DDO: variants seen among roughly 807,000 people sequenced by gnomAD.
DDO encodes the protein D-aspartate oxidase, DDO.
A neutral mutation model predicts 16.8 loss-of-function variants in DDO; 16 were observed. The observed-to-expected ratio is 0.95, with a 90% CI of 0.65 to 1.45. DDO has a LOEUF of 1.45. Among genes scored for constraint, DDO ranks in the 40% most tolerant of loss-of-function variants. The pLI is 0.00. For synonymous variants in DDO, 180 were observed against 167.2 expected (o/e 1.08, Z -0.59); for missense variants, 429 against 420.3 (o/e 1.02, Z -0.18).
At chr6:110,398,524 G>A (rs118081597) in intron 4 of DDO, among the ~76,000 whole-genome samples, 133 of 152,238 alleles carry the variant, frequency 8.7e-4, no homozygotes, top group Non-Finnish European at 1.7e-3. Flanking sequence ...TGGCGAGAAA[G>A]GAATCTCAGG....
chr6:110,412,239 G>A (rs992106753), intron 2 of DDO, among the ~76,000 whole-genome samples: 3 of 145,510 alleles, frequency 2.1e-5, no homozygotes, highest in Non-Finnish European at 3.0e-5. Context: ...GGGTGACAGG[G>A]CAAGACTCTG....
intron 2 of DDO, among the ~76,000 whole-genome samples, chr6:110,410,380 T>C (rs575547634): frequency 6.6e-6 from 1 of 152,302 alleles, no homozygotes; most frequent in South Asian, 2.1e-4. Context: ...GCCTGGAAAA[T>C]GGTCCCAAGA....
At chr6:110,403,124 T>C (rs1252084718) in intron 4 of DDO, among the ~76,000 whole-genome samples, 1 of 152,212 alleles carries the variant, frequency 6.6e-6, no homozygotes, top group East Asian at 1.9e-4. Flanking sequence ...TGAGCTCTTT[T>C]TGAGTCATAA....
intron 2 of DDO, among the ~76,000 whole-genome samples, chr6:110,411,714 T>C (rs1773863299): frequency 6.6e-6 from 1 of 152,228 alleles, no homozygotes; most frequent in Admixed American, 6.5e-5. Flanking sequence ...ATATTAACTT[T>C]TCCAGAAAGA....
rs183353186 is a variant in DDO at position 110,409,885 on chromosome 6, C to A, written c.173-1443G>T. ...TGCAGAAGTCATCCCAAAGAACAGA[C>A]AATTCCCATCCAGCAGTGGGTCTAG... On this transcript the variant is annotated intron_variant, in intron 2 of 4. Transcript: ENST00000368924. 9.8e-5 allele frequency among the ~76,000 whole-genome samples: 15 copies of A among 152,316 alleles called. No homozygotes were observed. The East Asian group carries it at 2.5e-3, about 25-fold the overall frequency.
intron 2 of DDO, among the ~76,000 whole-genome samples, chr6:110,410,634 G>A (rs1489097616): frequency 2.0e-5 from 3 of 152,112 alleles, no homozygotes; most frequent in African/African-American, 4.8e-5. Flanking sequence ...AGTGGGGAAA[G>A]CCCCTTATAA....
At chr6:110,405,898 C>CAA (rs573281449) in intron 3 of DDO, among the ~76,000 whole-genome samples, 1 of 139,128 alleles carries the variant, frequency 7.2e-6, no homozygotes, top group Non-Finnish European at 1.6e-5. Context: ...GACCCTGCCT[C>CAA]AAAAAAAAAA....
At chr6:110,395,009 C>T (rs1001302645) in intron 4 of DDO, among the ~76,000 whole-genome samples, 2 of 152,092 alleles carry the variant, frequency 1.3e-5, no homozygotes, top group Non-Finnish European at 2.9e-5. Context: ...TAAGTGTTAG[C>T]CAATACTAAA....
rs149620880 is a variant in DDO at position 110,413,319 on chromosome 6, G to A, written c.144C>T (p.Ala48=). 1.3e-4 allele frequency: 214 copies of A among 1,614,090 alleles called. 2 individuals are homozygous for A. In the East Asian group the frequency reaches 3.8e-3, roughly 28 times the overall value. The stretch of plus-strand genomic sequence containing the variant: ...GATAAGTGTGAGGAATAAGCATTCC[G>A]GCTGCCACATCACTGGTGGTATCTG... ...FTPDTTSDVA[A]GMLIPHTYPD... The change falls in exon 2 of 5, where the codon GCC becomes GCT. Residue 48 remains alanine, a synonymous_variant. Transcript: ENST00000368924.
At chr6:110,398,426 A>AAACACACCAGC (rs1773365381) in intron 4 of DDO, among the ~76,000 whole-genome samples, 1 of 141,918 alleles carries the variant, frequency 7.0e-6, no homozygotes, top group African/African-American at 2.9e-5. Flanking sequence ...ACACACACAC[A>AAACACACCAGC]CTTGGCCTCC....
intron 1 of DDO, among the ~76,000 whole-genome samples, chr6:110,413,801 T>C (rs1773946841): frequency 6.6e-6 from 1 of 151,936 alleles, no homozygotes; most frequent in African/African-American, 2.4e-5. Context: ...TGAAAGGGGG[T>C]CTTGCTCTGT....
At chr6:110,401,464 T>TAAA (rs35673802) in intron 4 of DDO, among the ~76,000 whole-genome samples, 1 of 145,850 alleles carries the variant, frequency 6.9e-6, no homozygotes. Flanking sequence ...AAAAGTGCTT[T>TAAA]AAAAAAAAAA....
intron 4 of DDO, among the ~76,000 whole-genome samples, chr6:110,400,161 G>A (rs1049268744): frequency 3.9e-5 from 6 of 152,230 alleles, no homozygotes; most frequent in Non-Finnish European, 8.8e-5. Context: ...TCAGGGGTCA[G>A]GTCTGAAAAC....
chr6:110,414,312 CT>C (rs1052787438), intron 1 of DDO, among the ~76,000 whole-genome samples: 88 of 152,366 alleles, frequency 5.8e-4, no homozygotes, highest in African/African-American at 2.1e-3. Flanking sequence ...CACCGGCCCC[CT>C]GTCTGTCCTG....
intron 4 of DDO, among the ~76,000 whole-genome samples, chr6:110,399,899 A>C (rs979777329): frequency 1.3e-5 from 2 of 152,148 alleles, no homozygotes; most frequent in Admixed American, 6.5e-5. Context: ...CGGACTGAAG[A>C]AGGTCTCCCC....
chr6:110,405,279 C>G (rs554626471), intron 3 of DDO, among the ~76,000 whole-genome samples: 28 of 152,224 alleles, frequency 1.8e-4, no homozygotes, highest in Non-Finnish European at 3.5e-4. Flanking sequence ...CTCAAGTGAT[C>G]CACCCACCTT....
intron 4 of DDO, among the ~76,000 whole-genome samples, chr6:110,402,140 C>T (rs980881107): frequency 1.3e-5 from 2 of 152,152 alleles, no homozygotes; most frequent in Non-Finnish European, 2.9e-5. Context: ...AGACTGGAGA[C>T]TAAAGAGACA....
chr6:110,390,371 T>G (rs1432990824), downstream of DDO, among the ~76,000 whole-genome samples: 1 of 152,236 alleles, frequency 6.6e-6, no homozygotes, highest in Non-Finnish European at 1.5e-5. Context: ...CAACATTGTT[T>G]AAAAACTTCC....
At chr6:110,402,749 G>A (rs1773523418) in intron 4 of DDO, among the ~76,000 whole-genome samples, 1 of 152,200 alleles carries the variant, frequency 6.6e-6, no homozygotes, top group Admixed American at 6.5e-5. Flanking sequence ...TGTATGAAGA[G>A]TTTGTTAGAG....
Sources: allele counts gnomAD v4.1 joint callset (sites outside exome capture counted in the v4.1 genomes callset), GRCh38; gene constraint gnomAD v4.1.1; transcripts MANE v1.5; gene names NCBI Gene and HGNC (gene_info 2026-07-23, HGNC 2026-07-21).